The following SOS1 variants were observed in gnomAD, a reference collection of about 807,000 sequenced individuals.
The protein encoded by SOS1 is SOS Ras/Rac guanine nucleotide exchange factor 1.
SOS1 carries 25 observed loss-of-function variants against 157.6 expected under a neutral mutation model. The ratio of observed to expected loss-of-function variants is 0.16; its 90% CI spans 0.12 to 0.22. SOS1 has a LOEUF of 0.22. Ranked by LOEUF, SOS1 falls within the 10% of genes least tolerant of loss-of-function variation. The pLI, the probability that SOS1 is intolerant of heterozygous loss-of-function variation, is 1.00. For missense variants in SOS1, 1,237 were observed against 1,599.1 expected, an observed-to-expected ratio of 0.77 and a Z score of 3.86; for synonymous variants, 528 against 534.0, an observed-to-expected ratio of 0.99 and a Z score of 0.16.
intron 1 of SOS1, among the ~76,000 whole-genome samples, chr2:39,110,019 G>C (rs920834007): frequency 7.0e-6 from 1 of 143,342 alleles, no homozygotes; most frequent in Non-Finnish European, 1.5e-5. Flanking sequence ...CAGAGATACA[G>C]ATACAGTTGT....
chr2:38,993,972 T>A (rs1668813795), intron 20 of SOS1: 1 of 152,190 alleles, frequency 6.6e-6, no homozygotes, highest in Non-Finnish European at 1.5e-5. Flanking sequence ...ATGAAATTAA[T>A]TTAAAAAATT....
At chr2:39,033,182 T>C (rs1670226187) in intron 8 of SOS1, among the ~76,000 whole-genome samples, 1 of 141,472 alleles carries the variant, frequency 7.1e-6, no homozygotes, top group East Asian at 2.2e-4. Flanking sequence ...GTGATTCTCC[T>C]GCCTCAGCTT....
intron 6 of SOS1, among the ~76,000 whole-genome samples, chr2:39,050,422 C>CT (rs1670966830): frequency 6.6e-6 from 1 of 152,106 alleles, no homozygotes; most frequent in African/African-American, 2.4e-5. Context: ...ACTGAGTAAG[C>CT]TTACTATGTG....
chr2:39,075,573 AC>A (rs1359902640), intron 1 of SOS1, among the ~76,000 whole-genome samples: 1 of 88,880 alleles, frequency 1.1e-5, no homozygotes, highest in Admixed American at 1.3e-4. Context: ...GGAGGCTGAA[AC>A]AGGAGGATTA....
chr2:38,996,118 C>T (rs1325216133), intron 19 of SOS1, among the ~76,000 whole-genome samples: 3 of 151,842 alleles, frequency 2.0e-5, no homozygotes, highest in Non-Finnish European at 4.4e-5. Flanking sequence ...GAGTCTTGCT[C>T]TGTCTCCCAG....
At chr2:39,104,654 G>C (rs1673098410) in intron 1 of SOS1, among the ~76,000 whole-genome samples, 1 of 152,168 alleles carries the variant, frequency 6.6e-6, no homozygotes, top group African/African-American at 2.4e-5. Flanking sequence ...ACCAATAATT[G>C]TATGCCAATG....
chr2:38,995,584 TAAAG>T (rs1052454892), intron 19 of SOS1, among the ~76,000 whole-genome samples, 197 bp from the exon 20 acceptor site: 46 of 152,302 alleles, frequency 3.0e-4, no homozygotes, highest in African/African-American at 1.1e-3. Flanking sequence ...TCTAAATTGT[TAAAG>T]AATGCATTTC....
At chr2:39,081,035 A>C (rs1015109474) in intron 1 of SOS1, among the ~76,000 whole-genome samples, 3 of 151,990 alleles carry the variant, frequency 2.0e-5, no homozygotes, top group African/African-American at 7.2e-5. Flanking sequence ...AAAAAAAATA[A>C]TAAAAAAATT....
intron 1 of SOS1, among the ~76,000 whole-genome samples, chr2:39,109,028 G>A (rs1227700604): frequency 6.6e-6 from 1 of 151,878 alleles, no homozygotes; most frequent in Non-Finnish European, 1.5e-5. Context: ...GTGAAACCCC[G>A]TCTCTACCAA....
chr2:39,098,284 C>A, intron 1 of SOS1: 1 of 260,384 alleles, frequency 3.8e-6, no homozygotes, highest in East Asian at 9.8e-5. Flanking sequence ...AACTCTCCAC[C>A]CTTTACTTTA....
intron 22 of SOS1, 56 bp from the exon 23 acceptor site, chr2:38,986,371 G>T: frequency 1.4e-6 from 2 of 1,475,446 alleles, no homozygotes; most frequent in Non-Finnish European, 1.8e-6. Flanking sequence ...GAAGTATCAT[G>T]ACTATAAGAA....
chr2:39,093,027 A>G (rs1192413577), intron 1 of SOS1, among the ~76,000 whole-genome samples: 1 of 152,226 alleles, frequency 6.6e-6, no homozygotes, highest in African/African-American at 2.4e-5. Context: ...AAGCCACGTT[A>G]AGCATATACA....
chr2:39,094,071 T>C (rs1191136833), intron 1 of SOS1, among the ~76,000 whole-genome samples: 2 of 151,928 alleles, frequency 1.3e-5, no homozygotes, highest in Non-Finnish European at 2.9e-5. Context: ...AAACAGAAAA[T>C]GAGAATCCAG....
At chr2:39,097,034 G>T (rs985845090) in intron 1 of SOS1, among the ~76,000 whole-genome samples, 1 of 152,174 alleles carries the variant, frequency 6.6e-6, no homozygotes. Flanking sequence ...CAATCTCTAT[G>T]AGGGATGGGA....
intron 2 of SOS1, 122 bp from the exon 3 acceptor site, chr2:39,058,926 C>A: frequency 1.4e-6 from 1 of 731,458 alleles, no homozygotes; most frequent in Non-Finnish European, 2.3e-6. Flanking sequence ...GTATAATTTA[C>A]ATTACAAACA....
At chr2:39,117,393 T>A (rs1176128219) in intron 1 of SOS1, among the ~76,000 whole-genome samples, 1 of 152,114 alleles carries the variant, frequency 6.6e-6, no homozygotes, top group Non-Finnish European at 1.5e-5. Context: ...ATGATATATT[T>A]GTGCAATAGA....
At chr2:38,986,357 T>G in intron 22 of SOS1, 42 bp from the exon 23 acceptor site, 2 of 1,529,514 alleles carry the variant, frequency 1.3e-6, no homozygotes. Flanking sequence ...ATTAATAAAT[T>G]TATGAAGTAT....
intron 20 of SOS1, among the ~76,000 whole-genome samples, chr2:38,989,711 G>A (rs1668672763): frequency 6.6e-6 from 1 of 151,916 alleles, no homozygotes; most frequent in African/African-American, 2.4e-5. Context: ...TATGTAAGTT[G>A]AAAAATAAAA....
intron 8 of SOS1, among the ~76,000 whole-genome samples, chr2:39,025,399 G>C (rs922321339): frequency 1.1e-4 from 17 of 151,758 alleles, no homozygotes; most frequent in Admixed American, 2.6e-4. Context: ...CCCCAGGCTA[G>C]GGTGCAGCGG....
Sources: gnomAD v4.1 joint callset for allele counts (sites outside exome capture counted in the v4.1 genomes callset) on GRCh38, gnomAD v4.1.1 for gene constraint, MANE v1.5 for transcripts, NCBI Gene and HGNC (gene_info 2026-07-23, HGNC 2026-07-21) for gene names.